The following DFFA variants were observed in gnomAD, a reference collection of about 807,000 sequenced individuals.
DFFA encodes the protein DNA fragmentation factor subunit alpha, also known as DFF45.
In DFFA, 14 loss-of-function variants were observed where a neutral mutation model predicts 28.0. That is an observed-to-expected ratio of 0.50 (90% CI 0.33 to 0.78). The LOEUF (loss-of-function observed/expected upper bound fraction) is 0.78, where lower values mean the gene tolerates loss of function less well. DFFA is among the 30% of genes least tolerant of loss of function. The pLI is 0.02. For missense variants in DFFA, 395 were observed against 407.1 expected, an observed-to-expected ratio of 0.97 and a Z score of 0.26; for synonymous variants, 158 against 170.3, an observed-to-expected ratio of 0.93 and a Z score of 0.56.
intron 5 of DFFA, chr1:10,461,932 G>A (rs1386276356): frequency 1.2e-6 from 1 of 866,736 alleles, no homozygotes; most frequent in Non-Finnish European, 1.4e-6. Flanking sequence ...TCGGCTCCCT[G>A]CAAGCTCCGC....
At chr1:10,461,832 G>T in intron 5 of DFFA, 130 bp from the exon 6 acceptor site, 3 of 1,468,414 alleles carry the variant, frequency 2.0e-6, no homozygotes, top group Non-Finnish European at 2.7e-6. Flanking sequence ...TGAAATGCCG[G>T]GTTTCCTTTA....
At chr1:10,466,034 GCTAC>G (rs898339708) in intron 3 of DFFA, among the ~76,000 whole-genome samples, 5 of 151,660 alleles carry the variant, frequency 3.3e-5, no homozygotes, top group African/African-American at 1.2e-4. Context: ...TACAGTCTCA[GCTAC>G]CTGAGAGGTT....
In DFFA at chr1:10,458,943, C is replaced by T. The variant is rs1445687550; in HGVS notation, c.*2547G>A. The T allele has an allele frequency of 6.6e-6, 1 of 152,076 alleles. No individual in the cohort carries two copies. The highest frequency in any genetic ancestry group is 2.4e-5 in the African/African-American group (1 of 41,370). The allele number at this position is 152,076 out of a possible 1,614,324, so 9.4% of individuals were successfully genotyped here. ...TTTCGGCTCACCTCCACCTCCACTT[C>T]CTGGGTTCAAGCAATTCTCATGCCT... On this transcript the variant is annotated 3_prime_UTR_variant, in exon 6 of 6. Coordinates refer to ENST00000377038, the MANE Select transcript of DFFA (RefSeq NM_004401.3).
chr1:10,460,244 CA>C lies in DFFA; in HGVS notation c.*1245del. The C allele has an allele frequency of 6.7e-6, 1 of 149,286 alleles. No individual in the cohort carries two copies. Among genetic ancestry groups the C allele is most frequent in the Non-Finnish European group, 1.5e-5 (1 of 67,558 alleles). 9.2% of individuals were successfully genotyped at this position (149,286 alleles called of 1,614,324 possible). A position where few individuals can be genotyped will look rare whatever the true frequency, so the allele number is the denominator to read the frequency against. The stretch of plus-strand genomic sequence containing the variant: ...TAGGTGACAGAGTGAGACTCTGTCT[CA>C]AAAAAACAAAACAAAACTTTTTTTT... On this transcript the variant is annotated 3_prime_UTR_variant, in exon 6 of 6. Transcript: ENST00000377038.
chr1:10,461,613 C>T lies in DFFA; in HGVS notation c.873G>A (p.Arg291=). Residue 291 remains arginine (R), a synonymous_variant, in exon 6 of 6, where the codon CGG becomes CGA. Coordinates refer to ENST00000377038, the MANE Select transcript of DFFA (RefSeq NM_004401.3). The stretch of plus-strand genomic sequence containing the variant: ...TCTGCTGCAGGCGCAGGGCGAGCTC[C>T]CGCTCACAGGCCTCCTGAACAGTCT... ...KTETVQEACE[R]ELALRLQQTQ... 3.7e-6 allele frequency: 6 copies of T among 1,614,232 alleles called. No individual in the cohort carries two copies. The highest frequency in any genetic ancestry group is 5.1e-6 in the Non-Finnish European group (6 of 1,180,036).
In DFFA at chr1:10,456,900, A is replaced by G. The variant is rs1051647690; in HGVS notation, c.*4590T>C. On this transcript the variant is annotated 3_prime_UTR_variant, in exon 6 of 6. Transcript: ENST00000377038. ...TTTTTAGACGTATTGCTGCGCTCCT[A>G]TGTGTCTATTCTACAAGGCTGGAGG... is the stretch of plus-strand genomic sequence containing the variant. The G allele has an allele frequency of 8.5e-5, 13 of 152,096 alleles. No individual in the cohort carries two copies. Among genetic ancestry groups the G allele is most frequent in the Non-Finnish European group, 1.9e-4 (13 of 68,028 alleles). The allele number at this position is 152,096 out of a possible 1,614,324, so 9.4% of individuals were successfully genotyped here.
At position 10,463,108 on chromosome 1, in the gene DFFA, G is replaced by T; in HGVS notation, c.733C>A (p.Leu245Met). 1 of 1,614,104 alleles carries T rather than the reference G, an allele frequency of 6.2e-7. No homozygotes were observed. Among genetic ancestry groups the T allele is most frequent in the African/African-American group, 1.3e-5 (1 of 75,018 alleles). ...AGCTCTGGAGCCTGCTTCTCCCTCA[G>T]TGCAGTAAGGATGTGGCTCGCCAGC... ...VALASHILTA[L>M]REKQAPELSL... Residue 245 changes from leucine to methionine, a missense_variant, in exon 5 of 6, where the codon CTG becomes ATG. Transcript: ENST00000377038.
At position 10,461,355 on chromosome 1, in the gene DFFA, G is replaced by C. The variant is rs1299285095; in HGVS notation, c.*135C>G. On this transcript the variant is annotated 3_prime_UTR_variant, in exon 6 of 6. Coordinates refer to ENST00000377038, the MANE Select transcript of DFFA (RefSeq NM_004401.3). ...AAATTGGTGGAACGGCGTATGTTGA[G>C]ACCTGGAATAGCTTCTCTGGAAGGT... The C allele has an allele frequency of 7.1e-7, 1 of 1,415,918 alleles. No homozygotes were observed. Among genetic ancestry groups the C allele is most frequent in the African/African-American group, 1.4e-5 (1 of 69,210 alleles). 87.7% of individuals were successfully genotyped at this position (1,415,918 alleles called of 1,614,324 possible). A position where few individuals can be genotyped will look rare whatever the true frequency, so the allele number is the denominator to read the frequency against.
chr1:10,464,934 G>C (rs527547174), intron 3 of DFFA, among the ~76,000 whole-genome samples: 1 of 152,088 alleles, frequency 6.6e-6, no homozygotes, highest in Non-Finnish European at 1.5e-5. Flanking sequence ...ATAGAACCAT[G>C]ACAGGCACAG....
intron 2 of DFFA, 64 bp from the exon 3 acceptor site, chr1:10,467,396 C>T: frequency 1.3e-6 from 2 of 1,551,388 alleles, no homozygotes; most frequent in Non-Finnish European, 1.8e-6. Context: ...CCTCCTCCCC[C>T]AGCACACACA....
chr1:10,469,887 G>A (rs1219847220), intron 1 of DFFA, among the ~76,000 whole-genome samples: 1 of 147,110 alleles, frequency 6.8e-6, no homozygotes, highest in African/African-American at 2.5e-5. Flanking sequence ...TACAATCTTG[G>A]TTCACAGCAA....
At position 10,457,984 on chromosome 1, in the gene DFFA, GGCCTGGAGTTT is replaced by G. The variant is rs1335182158; in HGVS notation, c.*3495_*3505del. The G allele has an allele frequency of 6.6e-6, 1 of 152,164 alleles. No individual in the cohort carries two copies. The highest frequency in any genetic ancestry group is 1.5e-5 in the Non-Finnish European group (1 of 68,048). 9.4% of individuals were successfully genotyped at this position (152,164 alleles called of 1,614,324 possible). On this transcript the variant is annotated 3_prime_UTR_variant, in exon 6 of 6. Coordinates refer to ENST00000377038, the MANE Select transcript of DFFA (RefSeq NM_004401.3). ...AAGCTGATGTGGGAGGATTGCTTGA[GGCCTGGAGTTT>G]GAGACCAGCCTGGGTAACATGGTGA...
At chr1:10,462,242 A>G (rs987316892) in intron 5 of DFFA, among the ~76,000 whole-genome samples, 1 of 151,542 alleles carries the variant, frequency 6.6e-6, no homozygotes, top group African/African-American at 2.4e-5. Context: ...CGCAACCTCC[A>G]CCTCCTGGGT....
chr1:10,463,455 C>T lies in DFFA; in HGVS notation c.607G>A (p.Gly203Ser), dbSNP rs200565656. 1 of 1,613,574 alleles carries T rather than the reference C, an allele frequency of 6.2e-7. No homozygotes were observed. ...CCTTCCTGCTTTGACAAGAGGCTGC[C>T]CTCTTTCTCCAAAGCCTGGAGGTAC... ...QLYLQALEKE[G>S]SLLSKQEESK... The change falls in exon 4 of 6, where the codon GGC (glycine) becomes AGC (serine). Residue 203 changes from glycine (G) to serine (S), a missense_variant. Transcript: ENST00000377038.
At position 10,467,418 on chromosome 1, in the gene DFFA, G is replaced by A. The variant is rs879761585; in HGVS notation, c.299-86C>T. On this transcript the variant is annotated intron_variant, in intron 2 of 5. Transcript: ENST00000377038. ...CCCCAGCACACACAGACCTCTTGAG[G>A]ATCTAGATTAATTTCAATGGGAAAG... 2.1e-5 allele frequency: 30 copies of A among 1,433,414 alleles called. No individual in the cohort carries two copies. The Admixed American group carries it at 4.1e-4, about 20-fold the overall frequency. 88.8% of individuals were successfully genotyped at this position (1,433,414 alleles called of 1,614,324 possible).
Position 10,463,108 on chromosome 1 carries a change from G to A in DFFA, c.733C>T (p.Leu245=), listed in dbSNP as rs1640971313. ...VALASHILTA[L]REKQAPELSL... ...AGCTCTGGAGCCTGCTTCTCCCTCA[G>A]TGCAGTAAGGATGTGGCTCGCCAGC... The change falls in exon 5 of 6, where the codon CTG becomes TTG. Residue 245 remains leucine, a synonymous_variant. Transcript: ENST00000377038. 1.9e-6 allele frequency: 3 copies of A among 1,613,986 alleles called. No individual in the cohort carries two copies. Among genetic ancestry groups the A allele is most frequent in the African/African-American group, 1.3e-5 (1 of 74,896 alleles).
At chr1:10,464,443 A>G (rs925235972) in intron 3 of DFFA, among the ~76,000 whole-genome samples, 8 of 152,162 alleles carry the variant, frequency 5.3e-5, no homozygotes, top group African/African-American at 1.9e-4. Flanking sequence ...GGTCGGGTGT[A>G]GTGGCTTACA....
In DFFA at chr1:10,466,411, G is replaced by A. The variant is rs557276131; in HGVS notation, c.441+779C>T. Among the ~76,000 whole-genome samples the A allele has an allele frequency of 1.3e-3, 191 of 151,602 alleles. 2 individuals carry two copies. Among genetic ancestry groups the A allele is most frequent in the African/African-American group, 4.2e-3 (173 of 41,400 alleles). ...TTACCATGTTAGCCAGGATGGTCTC[G>A]ATCTCCTGACCTCGTGATCTGCCCG... On this transcript the variant is annotated intron_variant, in intron 3 of 5. Coordinates refer to ENST00000377038, the MANE Select transcript of DFFA (RefSeq NM_004401.3).
At position 10,459,089 on chromosome 1, in the gene DFFA, GGT is replaced by G. The variant is rs1640895229; in HGVS notation, c.*2399_*2400del. Reference sequence around the variant, plus strand: ...GGCTGGTCTCGAACTCCTGACCTCAGGTGATCCGCCCACCTTGGCCTCCCAAA... The same window carrying G: ...GGCTGGTCTCGAACTCCTGACCTCAGGATCCGCCCACCTTGGCCTCCCAAA... On this transcript the variant is annotated 3_prime_UTR_variant, in exon 6 of 6. Transcript: ENST00000377038. 2.0e-5 allele frequency: 3 copies of G among 151,356 alleles called. No homozygotes were observed. In the South Asian group the frequency reaches 6.2e-4, roughly 32 times the overall value. The allele number at this position is 151,356 out of a possible 1,614,324, so 9.4% of individuals were successfully genotyped here.
Sources: allele counts gnomAD v4.1 joint callset (sites outside exome capture counted in the v4.1 genomes callset), GRCh38; gene constraint gnomAD v4.1.1; transcripts MANE v1.5; gene names NCBI Gene and HGNC (gene_info 2026-07-23, HGNC 2026-07-21).